STARD9: variants seen among roughly 807,000 people sequenced by gnomAD.
The protein encoded by STARD9 is StAR related lipid transfer domain containing 9, also known as stAR-related lipid transfer protein 9.
In STARD9, 346 loss-of-function variants were observed where a neutral mutation model predicts 399.8. That is an observed-to-expected ratio of 0.87 (90% confidence interval 0.79 to 0.95). The LOEUF is 0.95. STARD9 is among the 40% of genes least tolerant of loss of function. STARD9 has a pLI of 0.00. For missense variants in STARD9, 5,832 were observed against 5,667.5 expected, an observed-to-expected ratio of 1.03 and a Z score of -0.93; for synonymous variants, 2,203 against 2,143.5, an observed-to-expected ratio of 1.03 and a Z score of -0.77.
In STARD9 at chr15:42,720,845, G is replaced by T. The variant is rs2061440037; in HGVS notation, c.*1271G>T. On this transcript the variant is annotated 3_prime_UTR_variant, in exon 33 of 33. Transcript: ENST00000290607. ...TGTTGATTGAAGGTTTTTTAAAATTGCTTTTAAACTTCTATTTCTCGGGTA... is the reference window on the plus strand; with the variant it reads ...TGTTGATTGAAGGTTTTTTAAAATTTCTTTTAAACTTCTATTTCTCGGGTA... 6.6e-6 allele frequency: 1 copy of T among 151,984 alleles called. No homozygotes were observed. Among genetic ancestry groups the T allele is most frequent in the Non-Finnish European group, 1.5e-5 (1 of 67,984 alleles). The allele number at this position is 151,984 out of a possible 1,614,324, so 9.4% of individuals were successfully genotyped here.
At position 42,692,686 on chromosome 15, in the gene STARD9, T is replaced by C. The variant is rs1232805468; in HGVS notation, c.11108T>C (p.Val3703Ala). The C allele has an allele frequency of 5.9e-6, 9 of 1,536,888 alleles. No individual in the cohort carries two copies. In the East Asian group the frequency reaches 2.0e-4, roughly 33 times the overall value. Residue 3703 changes from valine to alanine, a missense_variant, in exon 23 of 33, where the codon GTG becomes GCG. Val to Ala is a moderately conservative substitution (Grantham distance 64, BLOSUM62 0). Transcript: ENST00000290607. The stretch of plus-strand genomic sequence containing the variant: ...CTTGGGAGTCTCTCCCAGCCAGATG[T>C]GGCCAGAAGGGAGCAGAACACCAAG... ...ELLGSLSQPD[V>A]ARREQNTKRD...
chr15:42,594,469 C>G (rs2058465749), intron 3 of STARD9, among the ~76,000 whole-genome samples: 1 of 152,070 alleles, frequency 6.6e-6, no homozygotes, highest in Admixed American at 6.5e-5. Context: ...GTAATTAGGA[C>G]ACGAAGAGTA....
At chr15:42,612,838 G>A (rs1595634164) in intron 3 of STARD9, among the ~76,000 whole-genome samples, 1 of 152,062 alleles carries the variant, frequency 6.6e-6, no homozygotes, top group Non-Finnish European at 1.5e-5. Flanking sequence ...ACAAAAATTG[G>A]CAGGGTGTGG....
At chr15:42,671,583 A>G (rs912617543) in intron 16 of STARD9, 3 of 152,130 alleles carry the variant, frequency 2.0e-5, no homozygotes, top group Middle Eastern at 3.1e-3. Flanking sequence ...GGTGTCTGCA[A>G]TGAGCTAGAG....
intron 1 of STARD9, among the ~76,000 whole-genome samples, chr15:42,576,056 G>C (rs544592208): frequency 6.6e-6 from 1 of 152,186 alleles, no homozygotes; most frequent in Non-Finnish European, 1.5e-5. Flanking sequence ...TTGCTGCATC[G>C]GGTTGGGCCT....
Position 42,688,852 on chromosome 15 carries a change from C to G in STARD9, c.7274C>G (p.Pro2425Arg). The change falls in exon 23 of 33, where the codon CCA becomes CGA. Residue 2425 changes from proline to arginine, a missense_variant. This residue lies in a region of STARD9 where 5,828 missense variants were observed against 5,651.1 expected (regional missense o/e 1.03). Transcript: ENST00000290607. ...AMGSHSQSGV[P>R]ESIPLGTEDR... Reference sequence around the variant, plus strand: ...GGATCTCATAGTCAATCTGGTGTACCAGAGAGCATTCCTCTGGGGACAGAG... The same window carrying G: ...GGATCTCATAGTCAATCTGGTGTACGAGAGAGCATTCCTCTGGGGACAGAG... 1 of 1,537,254 alleles carries G rather than the reference C, an allele frequency of 6.5e-7. No individual in the cohort carries two copies. Among genetic ancestry groups the G allele is most frequent in the Non-Finnish European group, 8.7e-7 (1 of 1,146,916 alleles).
chr15:42,579,968 CA>C (rs2058134625), intron 1 of STARD9, among the ~76,000 whole-genome samples: 1 of 152,144 alleles, frequency 6.6e-6, no homozygotes, highest in Non-Finnish European at 1.5e-5. Context: ...GCTCTAGGAG[CA>C]GACAAAATCA....
rs191875909 is a variant in STARD9, at chr15:42,609,388, T to A, written c.234+23751T>A. On this transcript the variant is annotated intron_variant, in intron 3 of 32. Coordinates refer to ENST00000290607, the MANE Select transcript of STARD9 (RefSeq NM_020759.3). ...AGAAGAGACGGTATGGTCAAAAGAT[T>A]CTTTAGTAGATCTGTGTCATTTCTT... Among the ~76,000 whole-genome samples the A allele has an allele frequency of 4.8e-3, 735 of 152,192 alleles. 10 individuals are homozygous for A. The highest frequency in any genetic ancestry group is 0.017 in the African/African-American group (706 of 41,532).
In STARD9 at chr15:42,691,799, T is replaced by C; in HGVS notation, c.10221T>C (p.Tyr3407=). 4 of 1,537,134 alleles carry C rather than the reference T, an allele frequency of 2.6e-6. No individual in the cohort carries two copies. The highest frequency in any genetic ancestry group is 3.5e-6 in the Non-Finnish European group (4 of 1,146,878). ...ACCTGAAGCCTGCCACCCCTCCTTA[T>C]CCAATGCCTTCCACTCTCTCACACA... ...HRHLKPATPP[Y]PMPSTLSHMP... The change falls in exon 23 of 33, where the codon TAT becomes TAC. Residue 3407 remains tyrosine, a synonymous_variant. Coordinates refer to ENST00000290607, the MANE Select transcript of STARD9 (RefSeq NM_020759.3).
At chr15:42,614,870 C>T (rs895004476) in intron 3 of STARD9, among the ~76,000 whole-genome samples, 2 of 151,964 alleles carry the variant, frequency 1.3e-5, no homozygotes, top group East Asian at 2.0e-4. Context: ...GAGGCTGAGG[C>T]GGGAGAATCC....
Position 42,685,057 on chromosome 15 carries a change from A to G in STARD9, c.3479A>G (p.Lys1160Arg), listed in dbSNP as rs1478033370. 1.5e-5 allele frequency: 23 copies of G among 1,537,094 alleles called. No homozygotes were observed. Among genetic ancestry groups the G allele is most frequent in the East Asian group, 4.9e-5 (2 of 40,920 alleles). Residue 1160 changes from lysine (K) to arginine (R), a missense_variant, in exon 23 of 33, where the codon AAA becomes AGA. By Grantham distance (26) the Lys-to-Arg change is conservative. This residue lies in a region of STARD9 where 5,828 missense variants were observed against 5,651.1 expected (regional missense o/e 1.03). Coordinates refer to ENST00000290607, the MANE Select transcript of STARD9 (RefSeq NM_020759.3). Reference protein sequence around the residue: ...SLAEKRYQSPKNRLGGNRPTN... With the variant: ...SLAEKRYQSPRNRLGGNRPTN... ...GCTGAGAAGAGGTACCAAAGCCCCAAAAACAGGCTAGGGGGCAATCGTCCC... is the reference window on the plus strand; with the variant it reads ...GCTGAGAAGAGGTACCAAAGCCCCAGAAACAGGCTAGGGGGCAATCGTCCC...
In STARD9 at chr15:42,709,147, G is replaced by T. The variant is rs141445309; in HGVS notation, c.13285-7530G>T. ...GTGGTGGCTGACGCCTGTAATCCCA[G>T]TGCTTTGGAAAGCTGAGGCAGGAGG... On this transcript the variant is annotated intron_variant, in intron 26 of 32. Coordinates refer to ENST00000290607, the MANE Select transcript of STARD9 (RefSeq NM_020759.3). Among the ~76,000 whole-genome samples, 5 of 152,208 alleles carry T rather than the reference G, an allele frequency of 3.3e-5. 1 individual carries two copies. The East Asian group carries it at 7.7e-4, about 24-fold the overall frequency.
chr15:42,687,517 TTCTTG>T lies in STARD9; in HGVS notation c.5940_5944del (p.Leu1981LysfsTer8), dbSNP rs1249777573. 5.2e-6 allele frequency: 8 copies of T among 1,536,992 alleles called. No individual in the cohort carries two copies. Among genetic ancestry groups the T allele is most frequent in the Non-Finnish European group, 6.1e-6 (7 of 1,146,902 alleles). On this transcript the variant is annotated frameshift_variant, in exon 23 of 33. Transcript: ENST00000290607. LOFTEE classifies it high-confidence loss of function. ...TGGGAAGGGAAAAATGAAACTGGGC[TTCTTG>T]AAAAAGGTCTTCGTCCCAAAGATAG...
At chr15:42,661,291 G>C in intron 10 of STARD9, 66 bp downstream of exon 10, 1 of 1,102,156 alleles carries the variant, frequency 9.1e-7, no homozygotes, top group South Asian at 1.4e-5. Flanking sequence ...GGAATAAGCT[G>C]TTCCAATCTT....
intron 3 of STARD9, among the ~76,000 whole-genome samples, chr15:42,590,146 A>G (rs928468108): frequency 2.0e-5 from 3 of 150,836 alleles, no homozygotes; most frequent in East Asian, 3.9e-4. Context: ...TAGTTTTTGT[A>G]GAAATGTGGT....
Position 42,663,428 on chromosome 15 carries a change from C to G in STARD9, c.1016C>G (p.Ser339Cys). 1.3e-6 allele frequency: 2 copies of G among 1,536,792 alleles called. No homozygotes were observed. Among genetic ancestry groups the G allele is most frequent in the Non-Finnish European group, 1.7e-6 (2 of 1,146,446 alleles). ...CAGTCTTATATCCCATACCGAGACT[C>G]TGTGTTGACCTGGCTGCTGAAGGAC... ...RRQSYIPYRD[S>C]VLTWLLKDSL... Residue 339 changes from serine to cysteine, a missense_variant, in exon 12 of 33, where the codon TCT becomes TGT. By Grantham distance (112) the Ser-to-Cys change is moderately radical. Around this residue, in one of 2 missense-constraint regions of STARD9, gnomAD observed 5,828 missense variants for 5,651.1 expected, o/e 1.03. Transcript: ENST00000290607.
chr15:42,635,098 T>C, intron 4 of STARD9, 126 bp downstream of exon 4: 1 of 522,624 alleles, frequency 1.9e-6, no homozygotes, highest in Non-Finnish European at 3.3e-6. Context: ...GAATGAGCCT[T>C]CTTCTGTTTT....
Position 42,686,279 on chromosome 15 carries a change from T to C in STARD9, c.4701T>C (p.Asn1567=). Residue 1567 remains asparagine (N), a synonymous_variant, in exon 23 of 33, where the codon AAT becomes AAC. Transcript: ENST00000290607. Reference sequence around the variant, plus strand: ...CAGAGAAAGAACAGGACAGTTTAAATGCCAAATTAGAAGGTGTTTCAGATT... The same window carrying C: ...CAGAGAAAGAACAGGACAGTTTAAACGCCAAATTAGAAGGTGTTTCAGATT... ...LRAEKEQDSL[N]AKLEGVSDFF... 6.5e-7 allele frequency: 1 copy of C among 1,537,704 alleles called. No homozygotes were observed. Among genetic ancestry groups the C allele is most frequent in the Non-Finnish European group, 8.7e-7 (1 of 1,147,014 alleles).
chr15:42,674,045 C>A, intron 16 of STARD9: 1 of 451,214 alleles, frequency 2.2e-6, no homozygotes, highest in South Asian at 1.6e-5. Flanking sequence ...ACCACATCAA[C>A]CTTTGCCCCT....
Sources: gnomAD v4.1 joint callset for allele counts (sites outside exome capture counted in the v4.1 genomes callset) on GRCh38, gnomAD v4.1.1 for gene constraint, gnomAD v4.1.1 regional missense constraint, MANE v1.5 for transcripts, NCBI Gene and HGNC (gene_info 2026-07-23, HGNC 2026-07-21) for gene names.